The following SPAG16 variants were observed in gnomAD, a reference collection of about 807,000 sequenced individuals.
The protein encoded by SPAG16 is sperm associated antigen 16.
Under a neutral mutation model 80.4 loss-of-function variants are expected in SPAG16, and 86 were observed. The ratio of observed to expected loss-of-function variants is 1.07; its 90% CI spans 0.90 to 1.28. The LOEUF (loss-of-function observed/expected upper bound fraction) is 1.28, where lower values mean the gene tolerates loss of function less well. Ranked by LOEUF, SPAG16 falls within the 50% of genes most tolerant of loss-of-function variation. SPAG16 has a pLI of 0.00. For synonymous variants in SPAG16, 294 were observed against 265.9 expected, an observed-to-expected ratio of 1.11 and a Z score of -1.03; for missense variants, 870 against 765.3, an observed-to-expected ratio of 1.14 and a Z score of -1.61.
chr2:214,098,651 T>G (rs577317680), intron 13 of SPAG16, among the ~76,000 whole-genome samples: 1 of 152,186 alleles, frequency 6.6e-6, no homozygotes, highest in Admixed American at 6.6e-5. Context: ...TGCCACTTTG[T>G]TATGGTAGCT....
intron 13 of SPAG16, among the ~76,000 whole-genome samples, chr2:214,048,654 G>C (rs1370209983): frequency 6.6e-6 from 1 of 151,830 alleles, no homozygotes; most frequent in African/African-American, 2.4e-5. Context: ...AACACAACAG[G>C]GTGACTATAA....
At chr2:213,900,358 A>G (rs1395702784) in intron 11 of SPAG16, among the ~76,000 whole-genome samples, 1 of 152,132 alleles carries the variant, frequency 6.6e-6, no homozygotes, top group Admixed American at 6.6e-5. Flanking sequence ...TCATTTACCA[A>G]TATCTCGGAA....
At chr2:213,702,807 A>G (rs1311674428) in intron 10 of SPAG16, among the ~76,000 whole-genome samples, 1 of 152,194 alleles carries the variant, frequency 6.6e-6, no homozygotes, top group Non-Finnish European at 1.5e-5. Flanking sequence ...GAGTTGATAT[A>G]TATCAAGAAG....
chr2:213,638,840 ATATTGAAGTTCCTCAATAT>A (rs1454074550), intron 10 of SPAG16, among the ~76,000 whole-genome samples: 1 of 152,146 alleles, frequency 6.6e-6, no homozygotes, highest in African/African-American at 2.4e-5. Flanking sequence ...TGTCTGTGGA[ATATTGAAGTTCCTCAATAT>A]TATTGTGTTA....
At chr2:214,070,024 T>A (rs2050714439) in intron 13 of SPAG16, among the ~76,000 whole-genome samples, 1 of 151,936 alleles carries the variant, frequency 6.6e-6, no homozygotes, top group Non-Finnish European at 1.5e-5. Flanking sequence ...CAATTTTGTG[T>A]TTCTTCTCTT....
rs545215516 is a variant in SPAG16, at chr2:214,208,999, G to GT, written c.1720+59739dup. ...TCTATTTCTTGAACCCAATTGCTCT[G>GT]TTTTTTGTTATTATTATTAGTCTTT... is the stretch of plus-strand genomic sequence containing the variant. On this transcript the variant is annotated intron_variant, in intron 15 of 15. Transcript: ENST00000331683. Among the ~76,000 whole-genome samples the GT allele has an allele frequency of 9.2e-5, 14 of 152,084 alleles. No homozygotes were observed. The South Asian group carries it at 2.5e-3, about 27-fold the overall frequency.
At chr2:214,140,508 T>C (rs2055295416) in intron 14 of SPAG16, among the ~76,000 whole-genome samples, 1 of 152,092 alleles carries the variant, frequency 6.6e-6, no homozygotes, top group African/African-American at 2.4e-5. Flanking sequence ...ATCTTTCCTT[T>C]TTTGCATTAT....
At chr2:213,402,436 A>T (rs2068365836) in intron 9 of SPAG16, among the ~76,000 whole-genome samples, 1 of 151,764 alleles carries the variant, frequency 6.6e-6, no homozygotes, top group Non-Finnish European at 1.5e-5. Context: ...AAATTTTATT[A>T]TTATTATACT....
Position 213,513,127 on chromosome 2 carries a change from T to C in SPAG16, c.1070+23037T>C, listed in dbSNP as rs112497455. Among the ~76,000 whole-genome samples the C allele has an allele frequency of 7.9e-4, 120 of 152,304 alleles. 2 individuals carry two copies. The highest frequency in any genetic ancestry group is 3.4e-3 in the Middle Eastern group (1 of 294). On this transcript the variant is annotated intron_variant, in intron 10 of 15. Coordinates refer to ENST00000331683, the MANE Select transcript of SPAG16 (RefSeq NM_024532.5). ...CACTGTCACGTGTGTATGTATGTTT[T>C]GTTTTGTCTGTTTCTTGTTTTATCA...
intron 6 of SPAG16, among the ~76,000 whole-genome samples, chr2:213,341,806 G>T (rs1358111114): frequency 6.6e-6 from 1 of 152,130 alleles, no homozygotes; most frequent in African/African-American, 2.4e-5. Context: ...CTCCCAAAGT[G>T]TTGGAATTAC....
chr2:214,348,277 G>A (rs976308687), intron 15 of SPAG16, among the ~76,000 whole-genome samples: 5 of 152,160 alleles, frequency 3.3e-5, no homozygotes, highest in African/African-American at 1.2e-4. Flanking sequence ...TAAGACTTTG[G>A]GAAGGGAGTT....
At chr2:213,635,669 T>A (rs535439560) in intron 10 of SPAG16, among the ~76,000 whole-genome samples, 1 of 152,310 alleles carries the variant, frequency 6.6e-6, no homozygotes, top group African/African-American at 2.4e-5. Context: ...TGATTAGTGA[T>A]GTTAAGAATT....
intron 10 of SPAG16, among the ~76,000 whole-genome samples, chr2:213,651,781 T>C (rs1039116873): frequency 2.0e-5 from 3 of 152,214 alleles, no homozygotes; most frequent in Admixed American, 1.3e-4. Flanking sequence ...CGATATTGTT[T>C]GGGTATTGTG....
intron 10 of SPAG16, among the ~76,000 whole-genome samples, chr2:213,748,607 A>G (rs1020658762): frequency 6.6e-6 from 1 of 152,190 alleles, no homozygotes; most frequent in Non-Finnish European, 1.5e-5. Flanking sequence ...ATCATTCATT[A>G]ACATATAAAT....
rs189119556 is a variant in SPAG16 at position 214,216,338 on chromosome 2, G to C, written c.1720+67072G>C. 4.6e-4 allele frequency among the ~76,000 whole-genome samples: 70 copies of C among 152,194 alleles called. No individual in the cohort carries two copies. In the East Asian group the frequency reaches 0.013, roughly 28 times the overall value. ...TGATGATGATGATGATGATGACGAT[G>C]ATGAGATGGAGTCTTGCTCTGTCGC... On this transcript the variant is annotated intron_variant, in intron 15 of 15. Coordinates refer to ENST00000331683, the MANE Select transcript of SPAG16 (RefSeq NM_024532.5).
chr2:214,078,230 T>C (rs1424195588), intron 13 of SPAG16, among the ~76,000 whole-genome samples: 2 of 152,044 alleles, frequency 1.3e-5, no homozygotes, highest in Non-Finnish European at 2.9e-5. Context: ...CCCAAAAATA[T>C]CTGACAAAGA....
chr2:213,636,328 T>C (rs987830463), intron 10 of SPAG16, among the ~76,000 whole-genome samples: 3 of 152,224 alleles, frequency 2.0e-5, no homozygotes, highest in African/African-American at 7.2e-5. Context: ...TTTATGCCAG[T>C]ACCTTGCTGT....
intron 13 of SPAG16, among the ~76,000 whole-genome samples, chr2:214,057,495 T>C (rs1345886565): frequency 6.6e-6 from 1 of 152,182 alleles, no homozygotes; most frequent in Non-Finnish European, 1.5e-5. Flanking sequence ...TGTGCCATCA[T>C]CTAGGCTTTA....
intron 10 of SPAG16, among the ~76,000 whole-genome samples, chr2:213,637,459 T>C (rs1243395028): frequency 6.6e-6 from 1 of 152,182 alleles, no homozygotes; most frequent in Non-Finnish European, 1.5e-5. Context: ...CTTCATAGAA[T>C]GATTTAGGGA....
Sources: gnomAD v4.1 joint callset for allele counts (sites outside exome capture counted in the v4.1 genomes callset) on GRCh38, gnomAD v4.1.1 for gene constraint, MANE v1.5 for transcripts, NCBI Gene and HGNC (gene_info 2026-07-23, HGNC 2026-07-21) for gene names.